Variants in MYO1E observed in about 807,000 individuals in gnomAD.
MYO1E encodes the protein unconventional myosin-Ie.
A neutral mutation model predicts 151.1 loss-of-function variants in MYO1E; 68 were observed. The observed-to-expected ratio is 0.45, with a 90% CI of 0.37 to 0.55. The LOEUF (loss-of-function observed/expected upper bound fraction) is 0.55. MYO1E is among the 20% of genes least tolerant of loss of function. The pLI is 0.00. For missense variants in MYO1E, 1,363 were observed against 1,389.3 expected (o/e 0.98, Z 0.30); for synonymous variants, 601 against 501.7 (o/e 1.20, Z -2.64).
At chr15:59,254,470 T>C (rs1281203691) in intron 4 of MYO1E, among the ~76,000 whole-genome samples, 2 of 152,192 alleles carry the variant, frequency 1.3e-5, no homozygotes, top group Non-Finnish European at 2.9e-5. Context: ...GTATTACATA[T>C]ACTCTTTTCT....
rs746982133 is a variant in MYO1E, at chr15:59,218,126, T to C, written c.911-39A>G. The stretch of plus-strand genomic sequence containing the variant: ...AACAAAACATGACAATCTTTCAGAA[T>C]TGTGACACTTCCAAGTCATCTCACA... On this transcript the variant is annotated intron_variant, in intron 9 of 27. Transcript: ENST00000288235. The C allele has an allele frequency of 2.4e-5, 39 of 1,607,932 alleles. No individual in the cohort carries two copies. In the Admixed American group the frequency reaches 2.5e-4, roughly 10 times the overall value.
At chr15:59,249,386 T>C (rs190468104) in intron 4 of MYO1E, among the ~76,000 whole-genome samples, 10 of 149,874 alleles carry the variant, frequency 6.7e-5, no homozygotes, top group African/African-American at 2.5e-4. Context: ...GATCACGCCA[T>C]TGCACTCCAG....
intron 7 of MYO1E, among the ~76,000 whole-genome samples, chr15:59,225,941 C>G (rs1225002692): frequency 6.6e-6 from 1 of 152,120 alleles, no homozygotes; most frequent in African/African-American, 2.4e-5. Context: ...CCACCGCACC[C>G]AGCCAAGAAT....
chr15:59,237,914 T>G (rs2080076635), intron 4 of MYO1E, among the ~76,000 whole-genome samples: 1 of 152,238 alleles, frequency 6.6e-6, no homozygotes, highest in Admixed American at 6.5e-5. Flanking sequence ...TTCCTTGAAC[T>G]AATAATACGG....
At chr15:59,286,195 T>C (rs938019476) in intron 1 of MYO1E, among the ~76,000 whole-genome samples, 7 of 152,234 alleles carry the variant, frequency 4.6e-5, no homozygotes, top group Non-Finnish European at 1.0e-4. Flanking sequence ...GATATCAACC[T>C]GCCAAAAAGT....
At chr15:59,270,640 T>A (rs2080284036) in intron 2 of MYO1E, among the ~76,000 whole-genome samples, 1 of 151,554 alleles carries the variant, frequency 6.6e-6, no homozygotes, top group Non-Finnish European at 1.5e-5. Flanking sequence ...ATACAATAAA[T>A]TCACTTTTTT....
At chr15:59,337,362 T>C (rs777392096) in intron 1 of MYO1E, among the ~76,000 whole-genome samples, 1 of 152,238 alleles carries the variant, frequency 6.6e-6, no homozygotes, top group Non-Finnish European at 1.5e-5. Flanking sequence ...GTTATCCATA[T>C]CTACAACTGC....
intron 8 of MYO1E, among the ~76,000 whole-genome samples, chr15:59,224,244 A>T (rs1427932218): frequency 6.6e-6 from 1 of 151,800 alleles, no homozygotes; most frequent in African/African-American, 2.4e-5. Flanking sequence ...TGCCCTAAAC[A>T]ATACAGAGGG....
chr15:59,253,901 C>CTCT (rs2080179334), intron 4 of MYO1E, among the ~76,000 whole-genome samples: 1 of 135,822 alleles, frequency 7.4e-6, no homozygotes, highest in African/African-American at 2.7e-5. Flanking sequence ...GACAAACAAC[C>CTCT]TTTTTTTTTT....
chr15:59,145,439 C>A (rs2079435716), intron 26 of MYO1E, among the ~76,000 whole-genome samples: 1 of 152,108 alleles, frequency 6.6e-6, no homozygotes, highest in African/African-American at 2.4e-5. Flanking sequence ...AAATGCTCAT[C>A]ATTTATCTCT....
At chr15:59,234,361 T>G (rs2080049206) in intron 5 of MYO1E, among the ~76,000 whole-genome samples, 2 of 152,176 alleles carry the variant, frequency 1.3e-5, no homozygotes, top group African/African-American at 4.8e-5. Flanking sequence ...ATAGAGAAGA[T>G]TCTGTCCTTT....
intron 17 of MYO1E, among the ~76,000 whole-genome samples, chr15:59,193,921 A>C (rs2079749833): frequency 6.6e-6 from 1 of 152,194 alleles, no homozygotes; most frequent in African/African-American, 2.4e-5. Flanking sequence ...TCACACCTGT[A>C]ATCCCAGCAC....
intron 25 of MYO1E, among the ~76,000 whole-genome samples, chr15:59,154,558 C>A (rs1051267568): frequency 6.6e-6 from 1 of 152,174 alleles, no homozygotes; most frequent in Admixed American, 6.5e-5. Context: ...AGAAAGAGAA[C>A]AAGACTCTTC....
At position 59,236,637 on chromosome 15, in the gene MYO1E, T is replaced by G. The variant is rs1482305657; in HGVS notation, c.368A>C (p.Lys123Thr). 1 of 1,614,030 alleles carries G rather than the reference T, an allele frequency of 6.2e-7. No individual in the cohort carries two copies. The highest frequency in any genetic ancestry group is 8.5e-7 in the Non-Finnish European group (1 of 1,179,960). ...TCTGGAGATGTAGCTCATGATATAT[T>G]TGGCAGCCACTGTTTTTCCAGCACC... is the stretch of plus-strand genomic sequence containing the variant. The part of the protein sequence containing the change: ...ESGAGKTVAA[K>T]YIMSYISRVS... The change falls in exon 5 of 28, where the codon AAA becomes ACA. Residue 123 changes from lysine to threonine, a missense_variant. Lys to Thr is a moderately conservative substitution (Grantham distance 78). Transcript: ENST00000288235.
In MYO1E at chr15:59,326,119, T is replaced by G. The variant is rs80183579; in HGVS notation, c.3+46379A>C. ...CCTCTTCCATTTGAGTACATTTGTA[T>G]TATCAGATGCTTAAAGGAAAAACAA... On this transcript the variant is annotated intron_variant, in intron 1 of 27. Coordinates refer to ENST00000288235, the MANE Select transcript of MYO1E (RefSeq NM_004998.4). 1.9e-3 allele frequency among the ~76,000 whole-genome samples: 294 copies of G among 152,068 alleles called. 9 individuals carry two copies. The East Asian group carries it at 0.051, about 27-fold the overall frequency.
chr15:59,147,596 C>CAGAAAAA (rs2079449037), intron 26 of MYO1E, among the ~76,000 whole-genome samples: 1 of 66,094 alleles, frequency 1.5e-5, no homozygotes, highest in Admixed American at 2.4e-4. Flanking sequence ...GACTCTGTCT[C>CAGAAAAA]AAAAAAAAAA....
At chr15:59,192,043 G>A (rs1264025583) in intron 17 of MYO1E, among the ~76,000 whole-genome samples, 6 of 152,140 alleles carry the variant, frequency 3.9e-5, no homozygotes, top group Non-Finnish European at 8.8e-5. Flanking sequence ...TTTACCAGGA[G>A]CTTCAACTGG....
intron 16 of MYO1E, among the ~76,000 whole-genome samples, chr15:59,202,011 T>A (rs1287945433): frequency 2.6e-5 from 4 of 152,198 alleles, no homozygotes; most frequent in African/African-American, 9.7e-5. Context: ...CTCCGAACCA[T>A]ATTTCTCTGA....
At chr15:59,216,173 T>C (rs1261456820) in intron 10 of MYO1E, among the ~76,000 whole-genome samples, 6 of 152,154 alleles carry the variant, frequency 3.9e-5, no homozygotes, top group Non-Finnish European at 5.9e-5. Context: ...CTGTTGTCCC[T>C]TGACTAGGGT....
Sources: allele counts gnomAD v4.1 joint callset (sites outside exome capture counted in the v4.1 genomes callset), GRCh38; gene constraint gnomAD v4.1.1; transcripts MANE v1.5; gene names NCBI Gene and HGNC (gene_info 2026-07-23, HGNC 2026-07-21).